Variants in AATK observed in about 807,000 individuals in gnomAD.
AATK encodes serine/threonine-protein kinase LMTK1.
AATK carries 91 observed loss-of-function variants against 114.3 expected under a neutral mutation model. The ratio of observed to expected loss-of-function variants is 0.80; its 90% CI spans 0.67 to 0.95. AATK has a LOEUF of 0.95. Ranked by LOEUF, AATK falls within the 40% of genes least tolerant of loss-of-function variation. The probability of loss-of-function intolerance (pLI) is 0.00; values close to 1 mark genes in which losing one functional copy is unlikely to be tolerated. For missense variants in AATK, 2,176 were observed against 1,965.2 expected (o/e 1.11, Z -2.03); for synonymous variants, 1,075 against 916.5 (o/e 1.17, Z -3.12).
In AATK at chr17:81,128,056, G is replaced by A. The variant is rs533230202; in HGVS notation, c.415-146C>T. ...CCCCGTCCACTCATTGCAGCGTGAGGTATGGCTTCCGGATCCCTCCCGGCA... is the reference window on the plus strand; with the variant it reads ...CCCCGTCCACTCATTGCAGCGTGAGATATGGCTTCCGGATCCCTCCCGGCA... On this transcript the variant is annotated intron_variant, in intron 4 of 13. Transcript: ENST00000326724. 1.3e-4 allele frequency: 135 copies of A among 1,006,160 alleles called. No individual in the cohort carries two copies. The African/African-American group carries it at 1.9e-3, about 14-fold the overall frequency. The allele number at this position is 1,006,160 out of a possible 1,614,324, so 62.3% of individuals were successfully genotyped here. A position where few individuals can be genotyped will look rare whatever the true frequency, so the allele number is the denominator to read the frequency against.
chr17:81,148,064 CAAAAAAAA>C (rs35731140), intron 1 of AATK, among the ~76,000 whole-genome samples: 17 of 101,824 alleles, frequency 1.7e-4, no homozygotes, highest in Non-Finnish European at 2.5e-4. Flanking sequence ...ACAACTTTGT[CAAAAAAAA>C]AAAAAAAAAA....
In AATK at chr17:81,121,058, G is replaced by T; in HGVS notation, c.2878C>A (p.Pro960Thr). Reference protein sequence around the residue: ...VLKEAQEGCEPQAFAELASEG... With the variant: ...VLKEAQEGCETQAFAELASEG... ...GAGGCCAGCTCCGCAAAGGCCTGGG[G>T]CTCACACCCTTCCTGCGCCTCCTTG... Residue 960 changes from proline (P) to threonine (T), a missense_variant, in exon 11 of 14, where the codon CCC becomes ACC. Physicochemically the swap from Pro to Thr is conservative, Grantham distance 38. This residue lies in a region of AATK where 1,701 missense variants were observed against 1,394.7 expected (regional missense o/e 1.22). Transcript: ENST00000326724. 6.2e-7 allele frequency: 1 copy of T among 1,608,552 alleles called. No homozygotes were observed. Among genetic ancestry groups the T allele is most frequent in the Non-Finnish European group, 8.5e-7 (1 of 1,177,952 alleles).
chr17:81,124,308 T>C (rs1025860361), intron 9 of AATK, among the ~76,000 whole-genome samples: 1 of 152,168 alleles, frequency 6.6e-6, no homozygotes, highest in Non-Finnish European at 1.5e-5. Flanking sequence ...GCACTCAGGA[T>C]AGGGGCTTCC....
chr17:81,139,575 C>T (rs1045012066), intron 1 of AATK, among the ~76,000 whole-genome samples: 2 of 152,212 alleles, frequency 1.3e-5, no homozygotes, highest in African/African-American at 2.4e-5. Flanking sequence ...ACATGCTGCG[C>T]GGCCCCCAGG....
chr17:81,149,656 C>T (rs1192954229), intron 1 of AATK, among the ~76,000 whole-genome samples: 3 of 152,116 alleles, frequency 2.0e-5, no homozygotes, highest in Admixed American at 1.3e-4. Context: ...GGCTTGGCTC[C>T]CATGGCCGTG....
At position 81,121,664 on chromosome 17, in the gene AATK, G is replaced by A. The variant is rs865962912; in HGVS notation, c.2272C>T (p.Pro758Ser). 13 of 1,500,144 alleles carry A rather than the reference G, an allele frequency of 8.7e-6. No homozygotes were observed. The highest frequency in any genetic ancestry group is 1.2e-5 in the Non-Finnish European group (13 of 1,128,752). The allele number at this position is 1,500,144 out of a possible 1,614,324, so 92.9% of individuals were successfully genotyped here. The change falls in exon 11 of 14, where the codon CCC (proline) becomes TCC (serine). Residue 758 changes from proline to serine, a missense_variant. Physicochemically the swap from Pro to Ser is moderately conservative, Grantham distance 74 (BLOSUM62 -1). Transcript: ENST00000326724. ...LCSAQGLAPA[P>S]CLVTPSWTET... ...GTCCAGGAGGGTGTAACCAGGCAGG[G>A]AGCAGGTGCCAGGCCCTGGGCAGAG...
In AATK at chr17:81,120,607, G is replaced by C; in HGVS notation, c.3329C>G (p.Ser1110Ter). The C allele has an allele frequency of 6.4e-7, 1 of 1,551,294 alleles. No individual in the cohort carries two copies. The highest frequency in any genetic ancestry group is 1.7e-4 in the Middle Eastern group (1 of 5,862). Residue 1110 changes from serine to a stop codon, truncating the protein, a stop_gained, in exon 11 of 14, where the codon TCA (serine) becomes TGA (stop). Coordinates refer to ENST00000326724, the MANE Select transcript of AATK (RefSeq NM_001080395.3). LOFTEE classifies it high-confidence loss of function. ...FFLLTPVPLRSEGNSSEFQGP... is the reference protein window; with the variant it reads ...FFLLTPVPLR ...CTGGAACTCAGAGCTGTTGCCTTCT[G>C]ATCTCAGCGGAACCGGGGTCAGCAG... is the stretch of plus-strand genomic sequence containing the variant.
chr17:81,131,830 C>T, intron 2 of AATK: 1 of 1,294,214 alleles, frequency 7.7e-7, no homozygotes, highest in Non-Finnish European at 1.0e-6. Flanking sequence ...CCCACCCCTG[C>T]CGGGACAAGG....
rs1171867692 is a variant in AATK at position 81,127,463 on chromosome 17, G to A, written c.621+120C>T. The A allele has an allele frequency of 5.0e-6, 5 of 993,356 alleles. No homozygotes were observed. The East Asian group carries it at 7.8e-5, about 16-fold the overall frequency. 61.5% of individuals were successfully genotyped at this position (993,356 alleles called of 1,614,324 possible). ...GGAAGGTGGTGGGGGCAGGGTCCCTGGGTCTTGGCTTTAGGGAGGATGTGA... is the reference window on the plus strand; with the variant it reads ...GGAAGGTGGTGGGGGCAGGGTCCCTAGGTCTTGGCTTTAGGGAGGATGTGA... On this transcript the variant is annotated intron_variant, in intron 6 of 13. Transcript: ENST00000326724.
intron 1 of AATK, among the ~76,000 whole-genome samples, chr17:81,158,700 G>A (rs1284554050): frequency 6.6e-6 from 1 of 152,238 alleles, no homozygotes; most frequent in Non-Finnish European, 1.5e-5. Flanking sequence ...CAGAAGAGCT[G>A]GGCAGGACCT....
rs981271807 is a variant in AATK at position 81,131,050 on chromosome 17, C to A, written c.334+11G>T. 5 of 1,548,338 alleles carry A rather than the reference C, an allele frequency of 3.2e-6. No individual in the cohort carries two copies. In the African/African-American group the frequency reaches 5.5e-5, roughly 17 times the overall value. The stretch of plus-strand genomic sequence containing the variant: ...GAGGGAGGCCACCCCATCTCCCCAC[C>A]CAGCCCTCACCTGAGCGCCCAGGCT... On this transcript the variant is annotated intron_variant, in intron 3 of 13. Coordinates refer to ENST00000326724, the MANE Select transcript of AATK (RefSeq NM_001080395.3).
At chr17:81,143,988 C>T (rs2061179079) in intron 1 of AATK, among the ~76,000 whole-genome samples, 1 of 152,204 alleles carries the variant, frequency 6.6e-6, no homozygotes, top group African/African-American at 2.4e-5. Context: ...CCCCTGCATG[C>T]TTCCTCCACC....
chr17:81,123,535 G>A (rs1215342872), intron 9 of AATK, among the ~76,000 whole-genome samples, 192 bp from the exon 10 acceptor site: 1 of 152,178 alleles, frequency 6.6e-6, no homozygotes, highest in Non-Finnish European at 1.5e-5. Flanking sequence ...CACCCTGCCA[G>A]GCCCAAGCCC....
Position 81,131,187 on chromosome 17 carries a change from C to T in AATK, c.208G>A (p.Gly70Arg). 1 of 1,581,000 alleles carries T rather than the reference C, an allele frequency of 6.3e-7. No individual in the cohort carries two copies. The highest frequency in any genetic ancestry group is 8.6e-7 in the Non-Finnish European group (1 of 1,166,080). Residue 70 changes from glycine (G) to arginine (R), a missense_variant, in exon 3 of 14, where the codon GGG becomes AGG. By Grantham distance (125) the Gly-to-Arg change is moderately radical. Around this residue, in one of 4 missense-constraint regions of AATK, gnomAD observed 178 missense variants for 175.4 expected, o/e 1.01. Transcript: ENST00000326724. ...IGFKEFENAE[G>R]DEYAADLAQG... Reference sequence around the variant, plus strand: ...GCCAGGTCGGCTGCGTACTCGTCCCCCTCCGCATTCTCAAACTCCTGCGGG... The same window carrying T: ...GCCAGGTCGGCTGCGTACTCGTCCCTCTCCGCATTCTCAAACTCCTGCGGG...
At chr17:81,118,500 C>A in intron 13 of AATK, 58 bp from the exon 14 acceptor site, 1 of 1,561,788 alleles carries the variant, frequency 6.4e-7, no homozygotes. Flanking sequence ...GCTGCCTCCC[C>A]CGCAACTCCC....
intron 9 of AATK, among the ~76,000 whole-genome samples, chr17:81,124,306 G>T (rs1384551629): frequency 2.6e-5 from 4 of 152,190 alleles, no homozygotes; most frequent in Non-Finnish European, 5.9e-5. Context: ...AGGCACTCAG[G>T]ATAGGGGCTT....
Position 81,120,380 on chromosome 17 carries a change from C to T in AATK, c.3556G>A (p.Asp1186Asn). The change falls in exon 11 of 14, where the codon GAC becomes AAC. Residue 1186 changes from aspartate to asparagine, a missense_variant. By Grantham distance (23) the Asp-to-Asn change is conservative. Transcript: ENST00000326724. ...ACCGCCGGCGCCTCCTCTTCGCTGT[C>T]CTCGCTAGGCTCCTGGACGCTGTAG... ...RCYSVQEPSE[D>N]SEEEAPAVPV... 1.2e-6 allele frequency: 2 copies of T among 1,608,062 alleles called. No individual in the cohort carries two copies. The highest frequency in any genetic ancestry group is 1.3e-5 in the African/African-American group (1 of 75,010).
At chr17:81,133,056 C>T (rs374893651) in intron 2 of AATK, 36 of 325,314 alleles carry the variant, frequency 1.1e-4, no homozygotes, top group Middle Eastern at 1.2e-3. Flanking sequence ...GGCGCCTGCG[C>T]GGCCTGGCCT....
Position 81,128,322 on chromosome 17 carries a change from G to T in AATK, c.414+148C>A, listed in dbSNP as rs959072903. ...AGAAGGGGATGCAGCCAGATGCTGA[G>T]GACCTCCCTGGGGAAGGGTCCAGCA... On this transcript the variant is annotated intron_variant, in intron 4 of 13. Transcript: ENST00000326724. The T allele has an allele frequency of 3.4e-5, 35 of 1,015,080 alleles. 1 individual carries two copies. In the Admixed American group the frequency reaches 6.1e-4, roughly 18 times the overall value. 62.9% of individuals were successfully genotyped at this position (1,015,080 alleles called of 1,614,324 possible). A position where few individuals can be genotyped will look rare whatever the true frequency, so the allele number is the denominator to read the frequency against.
Sources: gnomAD v4.1 joint callset for allele counts (sites outside exome capture counted in the v4.1 genomes callset) on GRCh38, gnomAD v4.1.1 for gene constraint, gnomAD v4.1.1 regional missense constraint, MANE v1.5 for transcripts, NCBI Gene and HGNC (gene_info 2026-07-23, HGNC 2026-07-21) for gene names.